WDPCP: variants seen among roughly 807,000 people sequenced by gnomAD.
WDPCP encodes WD repeat-containing and planar cell polarity effector protein fritz homolog.
A neutral mutation model predicts 93.1 loss-of-function variants in WDPCP; 71 were observed. The ratio of observed to expected loss-of-function variants is 0.76; its 90% CI spans 0.63 to 0.93. The LOEUF (loss-of-function observed/expected upper bound fraction) is 0.93, where lower values mean the gene tolerates loss of function less well. Among genes scored for constraint, WDPCP ranks in the 40% least tolerant of loss-of-function variants. WDPCP has a pLI of 0.00. For synonymous variants in WDPCP, 315 were observed against 315.0 expected (o/e 1.00, Z 0.00); for missense variants, 844 against 887.4 (o/e 0.95, Z 0.62).
At chr2:63,209,279 G>C (rs1242884021) in intron 14 of WDPCP, among the ~76,000 whole-genome samples, 2 of 152,134 alleles carry the variant, frequency 1.3e-5, no homozygotes, top group Non-Finnish European at 2.9e-5. Context: ...AGCTGTTTCT[G>C]CCATACTCAT....
At chr2:63,215,300 T>C (rs947346701) in intron 14 of WDPCP, among the ~76,000 whole-genome samples, 1 of 152,164 alleles carries the variant, frequency 6.6e-6, no homozygotes, top group African/African-American at 2.4e-5. Context: ...TAACCCTGAC[T>C]TCAAACTATA....
chr2:63,647,504 T>TG (rs989047449), intron 3 of WDPCP, among the ~76,000 whole-genome samples: 4 of 152,170 alleles, frequency 2.6e-5, no homozygotes, highest in African/African-American at 9.6e-5. Context: ...TTATGCTGAG[T>TG]GAAAAAAAAG....
chr2:63,813,859 T>A (rs1667223307), intron 1 of WDPCP, among the ~76,000 whole-genome samples: 1 of 152,206 alleles, frequency 6.6e-6, no homozygotes, highest in Non-Finnish European at 1.5e-5. Context: ...CAGATAAATA[T>A]TAATATGTTT....
chr2:63,605,445 A>G (rs1477391864), intron 3 of WDPCP: 1 of 1,247,124 alleles, frequency 8.0e-7, no homozygotes, highest in Admixed American at 1.7e-5. Context: ...TTGTTGCCTG[A>G]TGATATAATA....
intron 12 of WDPCP, among the ~76,000 whole-genome samples, chr2:63,356,101 A>C (rs72815371): frequency 6.6e-6 from 1 of 152,172 alleles, no homozygotes; most frequent in Non-Finnish European, 1.5e-5. Flanking sequence ...AACAAATAGA[A>C]AACAGAAAGA....
the WDPCP span, among the ~76,000 whole-genome samples, chr2:63,834,816 G>A: frequency 6.6e-6 from 1 of 152,198 alleles, no homozygotes; most frequent in Admixed American, 6.5e-5. Context: ...GCTCCTGGAT[G>A]GTGCAGCTCT....
intron 2 of WDPCP, among the ~76,000 whole-genome samples, chr2:63,774,412 C>T (rs984585653): frequency 2.6e-5 from 4 of 152,058 alleles, no homozygotes; most frequent in African/African-American, 7.2e-5. Context: ...CTTCAGTTCT[C>T]TTCTGTTCCT....
intron 1 of WDPCP, among the ~76,000 whole-genome samples, chr2:63,501,025 G>A (rs1701516718): frequency 6.6e-6 from 1 of 151,950 alleles, no homozygotes; most frequent in Non-Finnish European, 1.5e-5. Flanking sequence ...CAGAAGCCTA[G>A]GACACTTTTT....
intron 2 of WDPCP, among the ~76,000 whole-genome samples, chr2:63,751,183 G>T (rs951944294): frequency 6.6e-6 from 1 of 151,922 alleles, no homozygotes; most frequent in Non-Finnish European, 1.5e-5. Flanking sequence ...TATTGACTTT[G>T]GTAAATTGCA....
At chr2:63,814,369 A>C (rs1670902067) in intron 1 of WDPCP, among the ~76,000 whole-genome samples, 1 of 152,166 alleles carries the variant, frequency 6.6e-6, no homozygotes, top group Non-Finnish European at 1.5e-5. Context: ...AAAAGCAGAA[A>C]GATCTGTCCA....
chr2:63,390,304 G>C (rs1417753155), intron 10 of WDPCP, among the ~76,000 whole-genome samples: 7 of 151,604 alleles, frequency 4.6e-5, no homozygotes, highest in Middle Eastern at 3.4e-3. Flanking sequence ...CTGACTACTG[G>C]GTAAATAATG....
chr2:63,552,782 A>T (rs1219260873), intron 1 of WDPCP, among the ~76,000 whole-genome samples: 1 of 152,250 alleles, frequency 6.6e-6, no homozygotes, highest in Non-Finnish European at 1.5e-5. Flanking sequence ...AGTGATTAGA[A>T]ACAGCTTCTT....
At chr2:63,250,821 G>C (rs971849293) in intron 14 of WDPCP, among the ~76,000 whole-genome samples, 1 of 152,072 alleles carries the variant, frequency 6.6e-6, no homozygotes, top group Non-Finnish European at 1.5e-5. Context: ...TTATTTTACT[G>C]AGTGTTTTAT....
chr2:63,670,490 T>C (rs755001824), intron 2 of WDPCP, among the ~76,000 whole-genome samples: 7 of 152,176 alleles, frequency 4.6e-5, no homozygotes, highest in Non-Finnish European at 1.0e-4. Context: ...GATTTTTTAA[T>C]TTCTTGCCCT....
At chr2:63,468,997 A>G (rs1699528086) in intron 6 of WDPCP, among the ~76,000 whole-genome samples, 1 of 151,778 alleles carries the variant, frequency 6.6e-6, no homozygotes, top group Admixed American at 6.6e-5. Context: ...TCTCTTAAAT[A>G]CAAGAAAAAA....
intron 3 of WDPCP, among the ~76,000 whole-genome samples, chr2:63,600,985 A>G (rs1388514688): frequency 6.6e-6 from 1 of 152,212 alleles, no homozygotes; most frequent in Non-Finnish European, 1.5e-5. Flanking sequence ...GCATTGGAAA[A>G]TTCTGCTTCC....
rs375372117 is a variant in WDPCP, at chr2:63,578,305, C to G, written c.75+9892G>C. Among the ~76,000 whole-genome samples the G allele has an allele frequency of 9.2e-5, 14 of 152,232 alleles. 1 individual carries two copies. The South Asian group carries it at 2.9e-3, about 32-fold the overall frequency. On this transcript the variant is annotated intron_variant, in intron 1 of 17. Coordinates refer to ENST00000272321, the MANE Select transcript of WDPCP (RefSeq NM_015910.7). ...CACCATATTAGTATCCCGAAAATAACTCAAAAAGTAAACCACTTAGCTTAT... is the reference window on the plus strand; with the variant it reads ...CACCATATTAGTATCCCGAAAATAAGTCAAAAAGTAAACCACTTAGCTTAT...
At chr2:63,139,032 ACTC>A (rs1670851769) in intron 17 of WDPCP, among the ~76,000 whole-genome samples, 1 of 152,018 alleles carries the variant, frequency 6.6e-6, no homozygotes, top group Non-Finnish European at 1.5e-5. Flanking sequence ...CTATTAATTC[ACTC>A]CTTTTTATGG....
intron 1 of WDPCP, among the ~76,000 whole-genome samples, chr2:63,821,263 T>C (rs961517659): frequency 1.3e-5 from 2 of 152,168 alleles, no homozygotes; most frequent in African/African-American, 4.8e-5. Context: ...GAGGTGTCAT[T>C]AAGAAGGTGA....
Sources: allele counts gnomAD v4.1 joint callset (sites outside exome capture counted in the v4.1 genomes callset), GRCh38; gene constraint gnomAD v4.1.1; transcripts MANE v1.5; gene names NCBI Gene and HGNC (gene_info 2026-07-23, HGNC 2026-07-21).